Variants in TEK observed in about 807,000 individuals in gnomAD.
TEK encodes TEK receptor tyrosine kinase, also known as angiopoietin-1 receptor.
TEK carries 43 observed loss-of-function variants against 131.8 expected under a neutral mutation model. That is an observed-to-expected ratio of 0.33 (90% confidence interval 0.26 to 0.42). TEK has a LOEUF of 0.42. Among genes scored for constraint, TEK ranks in the 10% least tolerant of loss-of-function variants. The pLI is 1.00. For missense variants in TEK, 1,162 were observed against 1,384.4 expected (o/e 0.84, Z 2.55); for synonymous variants, 580 against 491.6 (o/e 1.18, Z -2.38).
chr9:27,219,631 C>T (rs922560081), intron 20 of TEK, among the ~76,000 whole-genome samples: 1 of 85,928 alleles, frequency 1.2e-5, no homozygotes, highest in African/African-American at 3.8e-5. Context: ...AAAAACTGTT[C>T]TACAATAAAC....
At position 27,213,604 on chromosome 9, in the gene TEK, G is replaced by T; in HGVS notation, c.2991+7G>T. ...GTATGTGAAAAAGACAATGGTAAGT[G>T]CCAGACACAGACACTGATCGCATCC... On this transcript the variant is annotated splice_region_variant and intron_variant, in intron 18 of 22. Coordinates refer to ENST00000380036, the MANE Select transcript of TEK (RefSeq NM_000459.5). 4 of 1,598,188 alleles carry T rather than the reference G, an allele frequency of 2.5e-6. No homozygotes were observed. The highest frequency in any genetic ancestry group is 2.7e-5 in the African/African-American group (2 of 74,774).
At position 27,125,041 on chromosome 9, in the gene TEK, C is replaced by G. The variant is rs538735545; in HGVS notation, c.52+15399C>G. Among the ~76,000 whole-genome samples, 10 of 152,298 alleles carry G rather than the reference C, an allele frequency of 6.6e-5. No individual in the cohort carries two copies. In the East Asian group the frequency reaches 1.9e-3, roughly 29 times the overall value. ...CTCATAACTGCATCATAGCCACAAA[C>G]TCAAGACCCAACCAGCATGGGCTTG... On this transcript the variant is annotated intron_variant, in intron 1 of 22. Coordinates refer to ENST00000380036, the MANE Select transcript of TEK (RefSeq NM_000459.5).
At chr9:27,226,103 A>T (rs984717164) in intron 21 of TEK, among the ~76,000 whole-genome samples, 1 of 152,224 alleles carries the variant, frequency 6.6e-6, no homozygotes, top group African/African-American at 2.4e-5. Flanking sequence ...GAGGATGTGG[A>T]GAAATAGGAA....
chr9:27,182,723 A>G (rs1459054869), intron 7 of TEK, among the ~76,000 whole-genome samples: 1 of 152,224 alleles, frequency 6.6e-6, no homozygotes, highest in African/African-American at 2.4e-5. Context: ...TCAGAATAAA[A>G]TTGGTATATT....
At chr9:27,132,389 A>G (rs189884582) in intron 1 of TEK, among the ~76,000 whole-genome samples, 1 of 152,202 alleles carries the variant, frequency 6.6e-6, no homozygotes, top group East Asian at 1.9e-4. Context: ...AATTAACAGG[A>G]TAAAAATAAT....
At chr9:27,122,623 G>A (rs1187386267) in intron 1 of TEK, among the ~76,000 whole-genome samples, 2 of 152,078 alleles carry the variant, frequency 1.3e-5, no homozygotes, top group African/African-American at 4.8e-5. Flanking sequence ...GAGGTAGTGA[G>A]ACGTGTCTGG....
Position 27,176,293 on chromosome 9 carries a change from A to G in TEK, c.901+2931A>G, listed in dbSNP as rs192654814. On this transcript the variant is annotated intron_variant, in intron 6 of 22. Transcript: ENST00000380036. ...ATTTTTGAAGCAAATAGTGGGGACA[A>G]TAAAGAGAACAGGGGAATTCCACTG... 7.9e-5 allele frequency among the ~76,000 whole-genome samples: 12 copies of G among 152,314 alleles called. No individual in the cohort carries two copies. In the East Asian group the frequency reaches 2.3e-3, roughly 29 times the overall value.
chr9:27,129,221 G>A lies in TEK; in HGVS notation c.52+19579G>A, dbSNP rs149366580. ...ATTTTGTCGGAGGACTTTTCTGCAT[G>A]TATTGAGATAATCGTGGTTTTTGTC... On this transcript the variant is annotated intron_variant, in intron 1 of 22. Coordinates refer to ENST00000380036, the MANE Select transcript of TEK (RefSeq NM_000459.5). Among the ~76,000 whole-genome samples the A allele has an allele frequency of 2.6e-3, 395 of 152,276 alleles. 3 individuals are homozygous for A. The highest frequency in any genetic ancestry group is 9.1e-3 in the African/African-American group (378 of 41,562).
At chr9:27,213,116 TTTC>T (rs1037731832) in intron 17 of TEK, among the ~76,000 whole-genome samples, 6 of 152,260 alleles carry the variant, frequency 3.9e-5, no homozygotes, top group African/African-American at 1.4e-4. Flanking sequence ...ATTGTATAAT[TTTC>T]TTCTATCTAA....
chr9:27,190,658 T>G lies in TEK; in HGVS notation c.1457T>G (p.Val486Gly), dbSNP rs1197581101. 8 of 1,613,964 alleles carry G rather than the reference T, an allele frequency of 5.0e-6. No homozygotes were observed. The East Asian group carries it at 1.8e-4, about 36-fold the overall frequency. The change falls in exon 10 of 23, where the codon GTT (valine) becomes GGT (glycine). Residue 486 changes from valine to glycine, a missense_variant. By Grantham distance (109) the Val-to-Gly change is moderately radical. Transcript: ENST00000380036. The stretch of plus-strand genomic sequence containing the variant: ...TCCAAGAAGCTTCTATACAAACCCG[T>G]TAATCACTATGAGGCTTGGCAACAT... ...IKSKKLLYKPVNHYEAWQHIQ... is the reference protein window; with the variant it reads ...IKSKKLLYKPGNHYEAWQHIQ...
chr9:27,118,371 G>A (rs1587475310), intron 1 of TEK, among the ~76,000 whole-genome samples: 1 of 152,044 alleles, frequency 6.6e-6, no homozygotes, highest in South Asian at 2.1e-4. Flanking sequence ...GTGGTGGCTC[G>A]TGCTTGTAAT....
At chr9:27,125,954 T>C (rs375275067) in intron 1 of TEK, among the ~76,000 whole-genome samples, 6 of 152,142 alleles carry the variant, frequency 3.9e-5, no homozygotes, top group East Asian at 3.9e-4. Flanking sequence ...TCAGAAGATA[T>C]AAACAGAAAA....
At chr9:27,125,092 C>T (rs1199989167) in intron 1 of TEK, among the ~76,000 whole-genome samples, 4 of 152,222 alleles carry the variant, frequency 2.6e-5, no homozygotes, top group South Asian at 2.1e-4. Flanking sequence ...TCTCCCCACC[C>T]GCCTCGGCCC....
At chr9:27,170,661 G>C (rs1412564150) in intron 4 of TEK, among the ~76,000 whole-genome samples, 1 of 152,190 alleles carries the variant, frequency 6.6e-6, no homozygotes, top group African/African-American at 2.4e-5. Context: ...TCAAGGAAGA[G>C]CTGAGGCTCA....
At chr9:27,130,694 A>C (rs1345562719) in intron 1 of TEK, among the ~76,000 whole-genome samples, 5 of 139,488 alleles carry the variant, frequency 3.6e-5, no homozygotes, top group African/African-American at 5.4e-5. Context: ...CTCCTGCCTC[A>C]GCCTCCTGAG....
chr9:27,143,526 A>C (rs1240668049), intron 1 of TEK, among the ~76,000 whole-genome samples: 1 of 152,180 alleles, frequency 6.6e-6, no homozygotes, highest in African/African-American at 2.4e-5. Context: ...TGTGTACTAA[A>C]TGTGACTTAA....
intron 7 of TEK, 21 bp from the exon 8 acceptor site, chr9:27,183,438 A>C (rs1334080290): frequency 6.2e-7 from 1 of 1,612,882 alleles, no homozygotes; most frequent in African/African-American, 1.3e-5. Flanking sequence ...TAGATTTCAC[A>C]GTGCTGTTTT....
intron 1 of TEK, among the ~76,000 whole-genome samples, chr9:27,147,695 A>C (rs1022533722): frequency 6.6e-6 from 1 of 152,340 alleles, no homozygotes; most frequent in East Asian, 1.9e-4. Context: ...ATTTTCTTCT[A>C]TATACCTAAA....
At chr9:27,207,833 A>G (rs995696197) in intron 15 of TEK, among the ~76,000 whole-genome samples, 2 of 152,178 alleles carry the variant, frequency 1.3e-5, no homozygotes, top group African/African-American at 4.8e-5. Context: ...ATTGTTAGGA[A>G]GACTAACAAA....
Sources: allele counts gnomAD v4.1 joint callset (sites outside exome capture counted in the v4.1 genomes callset), GRCh38; gene constraint gnomAD v4.1.1; transcripts MANE v1.5; gene names NCBI Gene and HGNC (gene_info 2026-07-23, HGNC 2026-07-21).